IL1RAPL1: variants seen among roughly 807,000 people sequenced by gnomAD.
The protein encoded by IL1RAPL1 is interleukin 1 receptor accessory protein like 1, also known as interleukin-1 receptor accessory protein-like 1.
IL1RAPL1 carries 3 observed loss-of-function variants against 48.4 expected under a neutral mutation model. The ratio of observed to expected loss-of-function variants is 0.06; its 90% confidence interval spans 0.03 to 0.16. IL1RAPL1 has a LOEUF of 0.16. Ranked by LOEUF, IL1RAPL1 falls within the 10% of genes least tolerant of loss-of-function variation. The pLI is 1.00. For synonymous variants in IL1RAPL1, 185 were observed against 187.7 expected, an observed-to-expected ratio of 0.99 and a Z score of 0.12; for missense variants, 349 against 530.6, an observed-to-expected ratio of 0.66 and a Z score of 3.36.
At chrX:28,959,045 C>T (rs931971675) in intron 2 of IL1RAPL1, among the ~76,000 whole-genome samples, 3 of 110,535 alleles carry the variant, frequency 2.7e-5, no homozygotes, top group African/African-American at 6.6e-5. Flanking sequence ...AGATACGTGA[C>T]GATCAGCATA....
intron 2 of IL1RAPL1, among the ~76,000 whole-genome samples, chrX:28,990,835 C>T (rs191722300): frequency 1.6e-3 from 181 of 111,467 alleles, no homozygotes; most frequent in Non-Finnish European, 2.5e-3. Flanking sequence ...ATAAACTCTT[C>T]GGAGGCCTTT....
intron 1 of IL1RAPL1, among the ~76,000 whole-genome samples, chrX:28,776,060 C>A (rs1418765459): frequency 1.8e-5 from 2 of 111,936 alleles, no homozygotes; most frequent in Non-Finnish European, 3.8e-5. Context: ...TGTCCTGTTT[C>A]TTCTTATGTC....
At chrX:29,732,350 A>G (rs1265995731) in intron 6 of IL1RAPL1, among the ~76,000 whole-genome samples, 2 of 111,925 alleles carry the variant, frequency 1.8e-5, no homozygotes, top group Non-Finnish European at 3.8e-5. Flanking sequence ...GGGACAAAGT[A>G]ATTCATCTGA....
chrX:28,643,382 C>G (rs936234412), intron 1 of IL1RAPL1, among the ~76,000 whole-genome samples: 1 of 111,087 alleles, frequency 9.0e-6, no homozygotes, highest in Admixed American at 9.6e-5. Context: ...TTGGAAGCCA[C>G]CATGCATTCT....
intron 2 of IL1RAPL1, among the ~76,000 whole-genome samples, chrX:29,031,901 G>A (rs1334567576): frequency 8.9e-6 from 1 of 111,735 alleles, no homozygotes; most frequent in African/African-American, 3.3e-5. Flanking sequence ...CGGAATGTAA[G>A]TTTCTTCATA....
chrX:28,660,395 A>G (rs1328714372), intron 1 of IL1RAPL1, among the ~76,000 whole-genome samples: 3 of 110,980 alleles, frequency 2.7e-5, no homozygotes, highest in Non-Finnish European at 5.7e-5. Context: ...TTAAATATGT[A>G]GATATTTATT....
intron 2 of IL1RAPL1, among the ~76,000 whole-genome samples, chrX:28,897,703 G>T (rs189222967): frequency 8.9e-6 from 1 of 111,935 alleles, no homozygotes; most frequent in East Asian, 2.8e-4. Context: ...TCTGAGTCAC[G>T]GCACCAAATT....
chrX:29,411,197 C>CCATA lies in IL1RAPL1; in HGVS notation c.703+11903_703+11906dup, dbSNP rs748669186. ...CTATATAGTCAGACATTGAATCTAT[C>CCATA]CATACATACATACATACCTATCTGT... On this transcript the variant is annotated intron_variant, in intron 5 of 10. Transcript: ENST00000378993. 1.8e-4 allele frequency among the ~76,000 whole-genome samples: 20 copies of CCATA among 111,993 alleles called. No homozygotes were observed. In the Admixed American group the frequency reaches 1.8e-3, roughly 10 times the overall value.
At chrX:28,967,368 A>T (rs1370775525) in intron 2 of IL1RAPL1, among the ~76,000 whole-genome samples, 2 of 111,242 alleles carry the variant, frequency 1.8e-5, no homozygotes, top group Non-Finnish European at 3.8e-5. Flanking sequence ...TCTAGTATTT[A>T]GATTTATATA....
chrX:28,984,220 C>T (rs1051399683), intron 2 of IL1RAPL1, among the ~76,000 whole-genome samples: 1 of 111,494 alleles, frequency 9.0e-6, no homozygotes, highest in Non-Finnish European at 1.9e-5. Flanking sequence ...TTTAAATTGT[C>T]TATAAATTTT....
chrX:29,745,431 G>GT (rs752527354), intron 6 of IL1RAPL1, among the ~76,000 whole-genome samples: 532 of 24,726 alleles, frequency 0.022, 113 homozygotes, highest in African/African-American at 0.047. Context: ...AGTTTTTTGT[G>GT]TTTTTTTTTT....
intron 2 of IL1RAPL1, among the ~76,000 whole-genome samples, chrX:28,850,592 T>C (rs1921634284): frequency 9.0e-6 from 1 of 111,348 alleles, no homozygotes; most frequent in Non-Finnish European, 1.9e-5. Flanking sequence ...GATCGGTCTC[T>C]TGGCCTCCTC....
At chrX:29,057,304 T>C (rs974258730) in intron 2 of IL1RAPL1, among the ~76,000 whole-genome samples, 2 of 112,332 alleles carry the variant, frequency 1.8e-5, no homozygotes, top group Non-Finnish European at 3.8e-5. Flanking sequence ...TAGTCTTTGA[T>C]AATCTATACT....
At chrX:29,884,397 C>G (rs137873096) in intron 6 of IL1RAPL1, among the ~76,000 whole-genome samples, 71 of 110,828 alleles carry the variant, frequency 6.4e-4, no homozygotes, top group African/African-American at 2.3e-3. Context: ...CTCCATGATA[C>G]TCATCTTCCC....
chrX:29,052,946 G>A (rs1024110169), intron 2 of IL1RAPL1, among the ~76,000 whole-genome samples: 5 of 111,419 alleles, frequency 4.5e-5, no homozygotes, highest in African/African-American at 1.3e-4. Flanking sequence ...GTGTCATGGG[G>A]GTTTGTTGTA....
At chrX:29,677,253 T>C (rs770342078) in intron 6 of IL1RAPL1, among the ~76,000 whole-genome samples, 2 of 112,305 alleles carry the variant, frequency 1.8e-5, no homozygotes, top group Non-Finnish European at 3.8e-5. Flanking sequence ...CAGTATTTTA[T>C]GCTTTCATGT....
chrX:29,249,622 C>T (rs927762642), intron 2 of IL1RAPL1, among the ~76,000 whole-genome samples: 3 of 111,303 alleles, frequency 2.7e-5, no homozygotes, highest in Non-Finnish European at 5.7e-5. Flanking sequence ...AATTACTAAG[C>T]GATATATGAA....
At chrX:29,151,773 CT>C (rs1929471969) in intron 2 of IL1RAPL1, among the ~76,000 whole-genome samples, 1 of 110,503 alleles carries the variant, frequency 9.0e-6, no homozygotes, top group African/African-American at 3.3e-5. Context: ...TGAACTCTTC[CT>C]GCGTGTAGTG....
intron 2 of IL1RAPL1, among the ~76,000 whole-genome samples, chrX:29,244,991 C>T (rs1007939693): frequency 4.7e-5 from 5 of 107,127 alleles, no homozygotes; most frequent in Admixed American, 2.0e-4. Flanking sequence ...TGTTCTTATA[C>T]TTCACCTCCC....
Sources: gnomAD v4.1 joint callset for allele counts (sites outside exome capture counted in the v4.1 genomes callset) on GRCh38, gnomAD v4.1.1 for gene constraint, MANE v1.5 for transcripts, NCBI Gene and HGNC (gene_info 2026-07-23, HGNC 2026-07-21) for gene names.